DNAH11: variants seen among roughly 807,000 people sequenced by gnomAD.
DNAH11 encodes dynein axonemal heavy chain 11, also known as axonemal beta dynein heavy chain 11.
DNAH11 carries 442 observed loss-of-function variants against 526.0 expected under a neutral mutation model. The ratio of observed to expected loss-of-function variants is 0.84; its 90% CI spans 0.78 to 0.91. The LOEUF is 0.91. DNAH11 is among the 40% of genes least tolerant of loss of function. DNAH11 has a pLI of 0.00. For synonymous variants in DNAH11, 2,461 were observed against 1,935.9 expected, an observed-to-expected ratio of 1.27 and a Z score of -7.12; for missense variants, 6,989 against 5,448.7, an observed-to-expected ratio of 1.28 and a Z score of -8.90.
chr7:21,784,496 C>G lies in DNAH11; in HGVS notation c.9553C>G (p.Pro3185Ala), dbSNP rs960341299. 1 of 1,613,328 alleles carries G rather than the reference C, an allele frequency of 6.2e-7. No individual in the cohort carries two copies. The highest frequency in any genetic ancestry group is 2.2e-5 in the East Asian group (1 of 44,840). ...ECEADLLKAEPALVAATAALN... is the reference protein window; with the variant it reads ...ECEADLLKAEAALVAATAALN... ...TGAAGCTGACTTACTCAAGGCTGAG[C>G]CTGCACTGGTGGCTGCTACAGCTGC... Residue 3185 changes from proline to alanine, a missense_variant, in exon 58 of 82, where the codon CCT (proline) becomes GCT (alanine). Pro to Ala is a conservative substitution (Grantham distance 27). Coordinates refer to ENST00000409508, the MANE Select transcript of DNAH11 (RefSeq NM_001277115.2).
At chr7:21,823,430 T>C (rs150639897) in intron 65 of DNAH11, among the ~76,000 whole-genome samples, 84 of 152,300 alleles carry the variant, frequency 5.5e-4, no homozygotes, top group African/African-American at 2.0e-3. Flanking sequence ...TTTACTTAAC[T>C]TTTCTTTTCA....
intron 63 of DNAH11, among the ~76,000 whole-genome samples, chr7:21,809,597 C>G (rs984468351): frequency 2.0e-5 from 3 of 152,040 alleles, no homozygotes; most frequent in Non-Finnish European, 2.9e-5. Flanking sequence ...GAGTTTCCCT[C>G]TTGTTGCCCA....
At position 21,571,967 on chromosome 7, in the gene DNAH11, T is replaced by C; in HGVS notation, c.1587T>C (p.Thr529=). Residue 529 remains threonine (T), a synonymous_variant, in exon 8 of 82, where the codon ACT becomes ACC. Transcript: ENST00000409508. ...GCACTTATGACCCATCTGATTGCAC[T>C]AACATGGTAATGTTGTACCTTTGCA... ...KQSTYDPSDC[T]NMEFESDYVA... 1 of 1,556,654 alleles carries C rather than the reference T, an allele frequency of 6.4e-7. No individual in the cohort carries two copies. Among genetic ancestry groups the C allele is most frequent in the Non-Finnish European group, 8.7e-7 (1 of 1,155,912 alleles).
At chr7:21,639,866 A>G (rs908049167) in intron 28 of DNAH11, among the ~76,000 whole-genome samples, 1 of 145,020 alleles carries the variant, frequency 6.9e-6, no homozygotes, top group African/African-American at 2.7e-5. Flanking sequence ...AGTTTTCTCC[A>G]TGTTTTTTTT....
chr7:21,606,517 T>C lies in DNAH11; in HGVS notation c.3740T>C (p.Ile1247Thr), dbSNP rs375665693. The stretch of plus-strand genomic sequence containing the variant: ...CTCCATAATGCGGAAGTCACTCTTA[T>C]AAGGAAAAAATGTATTTTGTTTGAC... Reference protein sequence around the residue: ...SPLHNAEVTLIRKKCILFDAK... With the variant: ...SPLHNAEVTLTRKKCILFDAK... Residue 1247 changes from isoleucine to threonine, a missense_variant, in exon 19 of 82, where the codon ATA (isoleucine) becomes ACA (threonine). Coordinates refer to ENST00000409508, the MANE Select transcript of DNAH11 (RefSeq NM_001277115.2). The C allele has an allele frequency of 2.5e-6, 4 of 1,609,958 alleles. No individual in the cohort carries two copies. Among genetic ancestry groups the C allele is most frequent in the Non-Finnish European group, 3.4e-6 (4 of 1,178,986 alleles).
chr7:21,614,796 A>C (rs918506290), intron 20 of DNAH11, among the ~76,000 whole-genome samples: 9 of 152,190 alleles, frequency 5.9e-5, no homozygotes, highest in African/African-American at 2.2e-4. Context: ...TTCTTCAGCA[A>C]ATTCCCCAGC....
chr7:21,885,799 G>T (rs62445887), intron 76 of DNAH11, among the ~76,000 whole-genome samples: 2,451 of 152,206 alleles, frequency 0.016, 26 homozygotes, highest in South Asian at 0.034. Context: ...TCCTTCTCTC[G>T]TGAGGAAGAG....
rs1784776530 is a variant in DNAH11 at position 21,900,893 on chromosome 7, C to CAAAA, written c.13304-112_13304-109dup. 2.0e-5 allele frequency: 29 copies of CAAAA among 1,470,622 alleles called. No homozygotes were observed. The South Asian group carries it at 4.4e-4, about 22-fold the overall frequency. The allele number at this position is 1,470,622 out of a possible 1,614,324, so 91.1% of individuals were successfully genotyped here. On this transcript the variant is annotated intron_variant, in intron 81 of 81. Transcript: ENST00000409508. ...GCTCAGTAAAAATACCACTGACAAG[C>CAAAA]AAAAATATGACAAAACCAGAATGTT...
chr7:21,709,462 C>T (rs1481219516), intron 40 of DNAH11, among the ~76,000 whole-genome samples: 3 of 152,136 alleles, frequency 2.0e-5, no homozygotes. Flanking sequence ...TGAAAAACTA[C>T]CTGTTGGTTA....
chr7:21,852,693 T>G (rs1028572504), intron 67 of DNAH11, 62 bp downstream of exon 67: 2 of 1,489,208 alleles, frequency 1.3e-6, no homozygotes, highest in Non-Finnish European at 1.8e-6. Flanking sequence ...ACATGTGGGG[T>G]GGGCAGTGTG....
chr7:21,555,855 G>C (rs12532465), intron 2 of DNAH11, among the ~76,000 whole-genome samples: 1 of 151,848 alleles, frequency 6.6e-6, no homozygotes, highest in Non-Finnish European at 1.5e-5. Flanking sequence ...GTCCTTCTCT[G>C]CACAGGCACA....
intron 65 of DNAH11, among the ~76,000 whole-genome samples, chr7:21,819,168 T>C (rs1030495933): frequency 1.3e-5 from 2 of 152,130 alleles, no homozygotes; most frequent in African/African-American, 4.8e-5. Context: ...CCTCTCTTCT[T>C]TTTTTCTTCA....
At chr7:21,627,084 T>G (rs1187368271) in intron 25 of DNAH11, among the ~76,000 whole-genome samples, 1 of 152,142 alleles carries the variant, frequency 6.6e-6, no homozygotes, top group Non-Finnish European at 1.5e-5. Context: ...ATTCAAATAT[T>G]TTGCCCATTT....
At chr7:21,870,036 A>G (rs1048438903) in intron 73 of DNAH11, among the ~76,000 whole-genome samples, 2 of 152,188 alleles carry the variant, frequency 1.3e-5, no homozygotes, top group African/African-American at 4.8e-5. Flanking sequence ...TCAGTAGGCA[A>G]TTCACAGGCT....
At chr7:21,774,189 A>G (rs1249559048) in intron 56 of DNAH11, among the ~76,000 whole-genome samples, 190 bp downstream of exon 56, 1 of 152,124 alleles carries the variant, frequency 6.6e-6, no homozygotes, top group Non-Finnish European at 1.5e-5. Context: ...TCACAGCTGG[A>G]TTAGGGTGAA....
chr7:21,561,720 C>G (rs1015414750), intron 5 of DNAH11, among the ~76,000 whole-genome samples: 2 of 152,152 alleles, frequency 1.3e-5, no homozygotes, highest in East Asian at 3.9e-4. Flanking sequence ...CCTTGTCCTT[C>G]CACTCTCTAG....
chr7:21,675,437 A>G (rs1782835061), intron 30 of DNAH11, among the ~76,000 whole-genome samples: 1 of 152,194 alleles, frequency 6.6e-6, no homozygotes, highest in Non-Finnish European at 1.5e-5. Context: ...GTCTTAGTAT[A>G]CATTCCTCTA....
chr7:21,660,476 G>A (rs1436808191), intron 30 of DNAH11, among the ~76,000 whole-genome samples: 1 of 149,842 alleles, frequency 6.7e-6, no homozygotes, highest in Non-Finnish European at 1.5e-5. Context: ...AAGGTTAAAT[G>A]ATGTTTTATG....
intron 76 of DNAH11, 133 bp from the exon 77 acceptor site, chr7:21,892,292 C>A: frequency 7.7e-7 from 1 of 1,295,836 alleles, no homozygotes; most frequent in Non-Finnish European, 1.1e-6. Flanking sequence ...GATTATAAAA[C>A]AGTTTAGGGA....
Sources: gnomAD v4.1 joint callset for allele counts (sites outside exome capture counted in the v4.1 genomes callset) on GRCh38, gnomAD v4.1.1 for gene constraint, MANE v1.5 for transcripts, NCBI Gene and HGNC (gene_info 2026-07-23, HGNC 2026-07-21) for gene names.